Variants in SLC17A2 observed in about 807,000 individuals in gnomAD.
The protein encoded by SLC17A2 is sodium-dependent phosphate transport protein 3.
In SLC17A2, 38 loss-of-function variants were observed where a neutral mutation model predicts 52.1. The ratio of observed to expected loss-of-function variants is 0.73; its 90% confidence interval spans 0.56 to 0.96. The LOEUF (loss-of-function observed/expected upper bound fraction) is 0.96. Ranked by LOEUF, SLC17A2 falls within the 40% of genes least tolerant of loss-of-function variation. The pLI, the probability that SLC17A2 is intolerant of heterozygous loss-of-function variation, is 0.00. For missense variants in SLC17A2, 508 were observed against 583.9 expected, an observed-to-expected ratio of 0.87 and a Z score of 1.34; for synonymous variants, 226 against 211.9, an observed-to-expected ratio of 1.07 and a Z score of -0.58.
At chr6:25,920,704 A>T (rs896652624) in intron 5 of SLC17A2, among the ~76,000 whole-genome samples, 1 of 152,114 alleles carries the variant, frequency 6.6e-6, no homozygotes, top group Non-Finnish European at 1.5e-5. Context: ...ATCTTTTTCC[A>T]TGTGTGCAAT....
intron 1 of SLC17A2, among the ~76,000 whole-genome samples, chr6:25,928,148 G>T (rs9295676): frequency 0.091 from 13,876 of 151,856 alleles, 1,583 homozygotes; most frequent in East Asian, 0.59. Flanking sequence ...AATTTGAAAA[G>T]TTGCCTGAAA....
At chr6:25,924,344 C>A (rs550299027) in intron 2 of SLC17A2, among the ~76,000 whole-genome samples, 1 of 152,106 alleles carries the variant, frequency 6.6e-6, no homozygotes, top group African/African-American at 2.4e-5. Context: ...TTATACATAA[C>A]GAGCTGCCTT....
At chr6:25,921,541 C>T in intron 3 of SLC17A2, 129 bp from the exon 4 acceptor site, 1 of 630,824 alleles carries the variant, frequency 1.6e-6, no homozygotes, top group Non-Finnish European at 2.7e-6. Context: ...CTATATTCTT[C>T]CTACCTTCCC....
intron 2 of SLC17A2, among the ~76,000 whole-genome samples, chr6:25,924,547 G>T (rs1208884640): frequency 6.6e-6 from 1 of 151,530 alleles, no homozygotes; most frequent in Admixed American, 6.6e-5. Flanking sequence ...AGTGGCTCAC[G>T]CCTGTAGTCC....
rs1238664796 is a variant in SLC17A2, at chr6:25,914,628, G to A, written c.1254C>T (p.Leu418=). ...CAGTGGAAGAGATGATTCCTGCGATGAGCCCAAATCCCCTTGAGATTCCCA... is the reference window on the plus strand; with the variant it reads ...CAGTGGAAGAGATGATTCCTGCGATAAGCCCAAATCCCCTTGAGATTCCCA... ...FLMGISRGFG[L]IAGIISSTAT... is the part of the protein sequence containing the mutation. The change falls in exon 11 of 12, where the codon CTC becomes CTT. Residue 418 remains leucine, a synonymous_variant. Transcript: ENST00000377850. The A allele has an allele frequency of 2.9e-5, 47 of 1,613,022 alleles. No homozygotes were observed. The highest frequency in any genetic ancestry group is 3.9e-5 in the Non-Finnish European group (46 of 1,179,112).
chr6:25,913,049 T>C lies in SLC17A2; in HGVS notation c.*268A>G, dbSNP rs1248993103. On this transcript the variant is annotated 3_prime_UTR_variant, in exon 12 of 12. Coordinates refer to ENST00000377850, the MANE Select transcript of SLC17A2 (RefSeq NM_001286123.3). ...CACATGAATTGACTTTTCAAGTTTGTCCAGCTGTTGTCAACCCCGGGCGCA... is the reference window on the plus strand; with the variant it reads ...CACATGAATTGACTTTTCAAGTTTGCCCAGCTGTTGTCAACCCCGGGCGCA... 5.9e-6 allele frequency: 2 copies of C among 337,194 alleles called. No homozygotes were observed. Among genetic ancestry groups the C allele is most frequent in the Non-Finnish European group, 1.1e-5 (2 of 185,104 alleles). 20.9% of individuals were successfully genotyped at this position (337,194 alleles called of 1,614,324 possible).
rs559747474 is a variant in SLC17A2 at position 25,919,455 on chromosome 6, C to T, written c.563-882G>A. On this transcript the variant is annotated intron_variant, in intron 5 of 11. Coordinates refer to ENST00000377850, the MANE Select transcript of SLC17A2 (RefSeq NM_001286123.3). ...GGGCGCGGTGGCTCACGCCTGTAAT[C>T]CCAGCACTTTGGGAGGCCGAGGCGG... 2.8e-3 allele frequency among the ~76,000 whole-genome samples: 421 copies of T among 151,774 alleles called. 1 individual carries two copies. The highest frequency in any genetic ancestry group is 4.2e-3 in the Non-Finnish European group (287 of 67,894).
At position 25,921,415 on chromosome 6, in the gene SLC17A2, G is replaced by A. The variant is rs1766556627; in HGVS notation, c.241-3C>T. On this transcript the variant is annotated splice_polypyrimidine_tract_variant and splice_region_variant and intron_variant, in intron 3 of 11. Coordinates refer to ENST00000377850, the MANE Select transcript of SLC17A2 (RefSeq NM_001286123.3). ...GGGCTCCATTGATACACAGAGGCCT[G>A]GGGGAAAAATAGGAAAACTCTTTGT... The A allele has an allele frequency of 6.2e-7, 1 of 1,600,966 alleles. No individual in the cohort carries two copies. The highest frequency in any genetic ancestry group is 8.6e-7 in the Non-Finnish European group (1 of 1,169,438).
rs1766750757 is a variant in SLC17A2 at position 25,925,982 on chromosome 6, A to G, written c.-83-103T>C. Reference sequence around the variant, plus strand: ...AAAAGTTTTGACCCAACACAGCTCTATAACTTACATTTTATGGGGCACTAC... The same window carrying G: ...AAAAGTTTTGACCCAACACAGCTCTGTAACTTACATTTTATGGGGCACTAC... On this transcript the variant is annotated intron_variant, in intron 1 of 11. Transcript: ENST00000377850. The G allele has an allele frequency of 1.4e-5, 9 of 653,852 alleles. 1 individual carries two copies. In the Admixed American group the frequency reaches 1.5e-4, roughly 11 times the overall value. The allele number at this position is 653,852 out of a possible 1,614,324, so 40.5% of individuals were successfully genotyped here.
chr6:25,923,722 G>A lies in SLC17A2; in HGVS notation c.213C>T (p.Ser71=). 1 of 1,613,996 alleles carries A rather than the reference G, an allele frequency of 6.2e-7. No individual in the cohort carries two copies. Among genetic ancestry groups the A allele is most frequent in the Middle Eastern group, 1.7e-4 (1 of 6,036 alleles). ...GPVADAFNNS[S]ISIKEFDTKA... ...TTGTATCAAATTCCTTGATGGATAT[G>A]CTGGAGTTATTGAAGGCATCTGCAA... The change falls in exon 3 of 12, where the codon AGC becomes AGT. Residue 71 remains serine, a synonymous_variant. Coordinates refer to ENST00000377850, the MANE Select transcript of SLC17A2 (RefSeq NM_001286123.3).
chr6:25,919,699 C>CAAAAAAAAA lies in SLC17A2; in HGVS notation c.563-1135_563-1127dup, dbSNP rs766352177. On this transcript the variant is annotated intron_variant, in intron 5 of 11. Transcript: ENST00000377850. Reference sequence around the variant, plus strand: ...TGGGCGAAAGAGTGAGACACCGTCTCAAAAAAAAAAAAAAAAAAAAAAAAA... The same window carrying CAAAAAAAAA: ...TGGGCGAAAGAGTGAGACACCGTCTCAAAAAAAAAAAAAAAAAAAAAAAAAAAAAAAAAA... Among the ~76,000 whole-genome samples the CAAAAAAAAA allele has an allele frequency of 1.8e-3, 57 of 31,150 alleles. 5 individuals carry two copies. The highest frequency in any genetic ancestry group is 0.025 in the Middle Eastern group (1 of 40). The allele number at this position is 31,150 out of a possible 152,430, so 20.4% of individuals were successfully genotyped here. A position where few individuals can be genotyped will look rare whatever the true frequency, so the allele number is the denominator to read the frequency against.
intron 1 of SLC17A2, among the ~76,000 whole-genome samples, chr6:25,926,438 C>T (rs1766767778): frequency 6.6e-6 from 1 of 152,146 alleles, no homozygotes; most frequent in Non-Finnish European, 1.5e-5. Flanking sequence ...CTCATGTTTG[C>T]TACACACAAT....
At position 25,916,964 on chromosome 6, in the gene SLC17A2, T is replaced by A; in HGVS notation, c.768+5A>T. ...TGGGCCACAGGTACAAGGTGTGCAC[T>A]GTACCTGTTGAGCCAGTGAGGACAG... On this transcript the variant is annotated splice_donor_5th_base_variant and intron_variant, in intron 7 of 11. Coordinates refer to ENST00000377850, the MANE Select transcript of SLC17A2 (RefSeq NM_001286123.3). The A allele has an allele frequency of 6.2e-7, 1 of 1,612,290 alleles. No homozygotes were observed. The highest frequency in any genetic ancestry group is 8.5e-7 in the Non-Finnish European group (1 of 1,178,396).
chr6:25,926,781 T>C (rs1160700761), intron 1 of SLC17A2, among the ~76,000 whole-genome samples: 2 of 152,158 alleles, frequency 1.3e-5, no homozygotes, highest in Non-Finnish European at 2.9e-5. Flanking sequence ...AAAACACATG[T>C]ATCGGCCGGG....
intron 1 of SLC17A2, among the ~76,000 whole-genome samples, chr6:25,928,587 G>C (rs572594953): frequency 8.7e-4 from 133 of 152,102 alleles, no homozygotes; most frequent in Non-Finnish European, 1.1e-3. Flanking sequence ...TCAGTTCTTC[G>C]TTTCCTATTT....
At chr6:25,917,548 T>C (rs1273863490) in intron 6 of SLC17A2, among the ~76,000 whole-genome samples, 1 of 152,256 alleles carries the variant, frequency 6.6e-6, no homozygotes, top group African/African-American at 2.4e-5. Context: ...GTATTATTTG[T>C]ATTCAAGCCA....
At chr6:25,922,357 G>A (rs555426567) in intron 3 of SLC17A2, among the ~76,000 whole-genome samples, 141 of 152,218 alleles carry the variant, frequency 9.3e-4, no homozygotes, top group African/African-American at 3.1e-3. Flanking sequence ...TTATCTCATC[G>A]GAAAAAATAG....
chr6:25,913,541 G>C, intron 11 of SLC17A2, 90 bp from the exon 12 acceptor site: 1 of 1,246,022 alleles, frequency 8.0e-7, no homozygotes, highest in Non-Finnish European at 1.1e-6. Context: ...TTGCAATGTT[G>C]ATCACAAGGA....
rs1554137783 is a variant in SLC17A2 at position 25,915,177 on chromosome 6, A to ATATATATATATACATATATG, written c.1211+321_1211+322insCATATATGTATATATATATA. On this transcript the variant is annotated intron_variant, in intron 10 of 11. Transcript: ENST00000377850. Reference sequence around the variant, plus strand: ...TATATATATATATATATATATATATATGGTAGCTAATATGAACAACACCAT... The same window carrying ATATATATATATACATATATG: ...TATATATATATATATATATATATATATATATATATATACATATATGTGGTAGCTAATATGAACAACACCAT... Among the ~76,000 whole-genome samples, 3 of 108,028 alleles carry ATATATATATATACATATATG rather than the reference A, an allele frequency of 2.8e-5. 1 individual carries two copies. The highest frequency in any genetic ancestry group is 6.1e-5 in the Non-Finnish European group (3 of 49,298). 70.9% of individuals were successfully genotyped at this position (108,028 alleles called of 152,430 possible).
Sources: allele counts gnomAD v4.1 joint callset (sites outside exome capture counted in the v4.1 genomes callset), GRCh38; gene constraint gnomAD v4.1.1; transcripts MANE v1.5; gene names NCBI Gene and HGNC (gene_info 2026-07-23, HGNC 2026-07-21).